PPIG: variants seen among roughly 807,000 people sequenced by gnomAD.
The protein encoded by PPIG is peptidylprolyl isomerase G.
In PPIG, 26 loss-of-function variants were observed where a neutral mutation model predicts 87.9. The observed-to-expected ratio is 0.30, with a 90% CI of 0.22 to 0.41. The LOEUF is 0.41. Ranked by LOEUF, PPIG falls within the 10% of genes least tolerant of loss-of-function variation. PPIG has a pLI of 1.00. For missense variants in PPIG, 722 were observed against 879.4 expected (o/e 0.82, Z 2.26); for synonymous variants, 308 against 276.5 (o/e 1.11, Z -1.13).
At chr2:169,622,718 T>C (rs973453082) in intron 9 of PPIG, among the ~76,000 whole-genome samples, 1 of 152,202 alleles carries the variant, frequency 6.6e-6, no homozygotes, top group Non-Finnish European at 1.5e-5. Context: ...AAACACACAC[T>C]TGGGCCCCTG....
intron 1 of PPIG, among the ~76,000 whole-genome samples, chr2:169,591,883 A>T (rs1684872765): frequency 6.7e-6 from 1 of 148,850 alleles, no homozygotes; most frequent in South Asian, 2.1e-4. Flanking sequence ...TACACTGAAA[A>T]TTTTGATTAT....
intron 4 of PPIG, among the ~76,000 whole-genome samples, chr2:169,604,584 A>G (rs1221858216): frequency 6.6e-6 from 1 of 152,104 alleles, no homozygotes; most frequent in East Asian, 1.9e-4. Flanking sequence ...TAGAAATATT[A>G]TGGCTGGGCA....
intron 8 of PPIG, 22 bp downstream of exon 8, chr2:169,614,515 T>C (rs1351959709): frequency 6.4e-7 from 1 of 1,557,608 alleles, no homozygotes; most frequent in Non-Finnish European, 8.7e-7. Flanking sequence ...TTTATTTATT[T>C]TACAACCTGT....
intron 6 of PPIG, among the ~76,000 whole-genome samples, chr2:169,607,863 T>A (rs1332232553): frequency 6.6e-6 from 1 of 152,146 alleles, no homozygotes; most frequent in Non-Finnish European, 1.5e-5. Context: ...ACTGTCTCAC[T>A]CTTTTTTTTA....
intron 9 of PPIG, 106 bp downstream of exon 9, chr2:169,614,830 G>T: frequency 9.9e-6 from 13 of 1,313,364 alleles, no homozygotes; most frequent in South Asian, 5.3e-5. Context: ...AGAAAAATGA[G>T]GTTTTTGTTT....
chr2:169,624,966 T>C (rs1046907969), intron 9 of PPIG, among the ~76,000 whole-genome samples: 4 of 152,164 alleles, frequency 2.6e-5, no homozygotes, highest in Non-Finnish European at 5.9e-5. Context: ...TTTGAAAATA[T>C]TATAACTGAG....
chr2:169,596,708 T>C (rs1397148228), intron 1 of PPIG, among the ~76,000 whole-genome samples: 2 of 152,020 alleles, frequency 1.3e-5, no homozygotes, highest in Non-Finnish European at 2.9e-5. Context: ...CCTGGTCCAT[T>C]TTTTTTTCTG....
chr2:169,592,939 G>A (rs141631464), intron 1 of PPIG, among the ~76,000 whole-genome samples: 262 of 152,116 alleles, frequency 1.7e-3, no homozygotes, highest in Non-Finnish European at 2.6e-3. Context: ...ATATTCAAGG[G>A]ATTTGTGTAG....
intron 12 of PPIG, among the ~76,000 whole-genome samples, chr2:169,634,805 C>T (rs1489615355): frequency 6.6e-6 from 1 of 152,182 alleles, no homozygotes; most frequent in Non-Finnish European, 1.5e-5. Flanking sequence ...AATTCAACTC[C>T]ATCATATTGT....
intron 1 of PPIG, among the ~76,000 whole-genome samples, chr2:169,603,190 CCAT>C (rs1211744061): frequency 2.6e-5 from 4 of 152,008 alleles, no homozygotes; most frequent in African/African-American, 9.7e-5. Context: ...TTTTTAGAGT[CCAT>C]CATTTTGGAT....
intron 1 of PPIG, among the ~76,000 whole-genome samples, chr2:169,603,407 A>T (rs1469197321): frequency 6.6e-6 from 1 of 152,192 alleles, no homozygotes; most frequent in African/African-American, 2.4e-5. Flanking sequence ...ATATCAGTAA[A>T]GGCTGTTGCT....
At chr2:169,593,322 G>A (rs1684919516) in intron 1 of PPIG, among the ~76,000 whole-genome samples, 2 of 152,044 alleles carry the variant, frequency 1.3e-5, no homozygotes, top group South Asian at 2.1e-4. Context: ...AGCCTCCCAA[G>A]TAACTGGAAT....
At position 169,591,286 on chromosome 2, in the gene PPIG, C is replaced by T. The variant is rs191418068; in HGVS notation, c.-70+6796C>T. 9.9e-4 allele frequency among the ~76,000 whole-genome samples: 151 copies of T among 152,088 alleles called. 1 individual carries two copies. The highest frequency in any genetic ancestry group is 3.5e-3 in the African/African-American group (146 of 41,506). ...ATTTTTTTACACATGAACTGGTTAC[C>T]TCTTACTGATTTTTTTATGAAATGT... On this transcript the variant is annotated intron_variant, in intron 1 of 13. Coordinates refer to ENST00000260970, the MANE Select transcript of PPIG (RefSeq NM_004792.3).
intron 7 of PPIG, among the ~76,000 whole-genome samples, chr2:169,609,937 G>A (rs963429811): frequency 1.3e-5 from 2 of 152,120 alleles, no homozygotes; most frequent in Non-Finnish European, 2.9e-5. Context: ...CATAGATTCT[G>A]TCTTTGTGAA....
chr2:169,606,966 T>C, intron 5 of PPIG, 138 bp from the exon 6 acceptor site: 1 of 648,054 alleles, frequency 1.5e-6, no homozygotes, highest in Non-Finnish European at 2.7e-6. Context: ...GACATTAATA[T>C]CTTTTATGAT....
At chr2:169,595,466 T>G (rs1356732431) in intron 1 of PPIG, among the ~76,000 whole-genome samples, 2 of 152,218 alleles carry the variant, frequency 1.3e-5, no homozygotes. Context: ...TTTTTGAGTA[T>G]CGTTAGTCAC....
chr2:169,636,013 A>T, intron 12 of PPIG, 79 bp from the exon 13 acceptor site: 19 of 1,003,480 alleles, frequency 1.9e-5, no homozygotes, highest in Non-Finnish European at 2.6e-5. Flanking sequence ...TCACCCCAGT[A>T]CTTCCCTCCC....
chr2:169,606,044 A>G lies in PPIG; in HGVS notation c.142A>G (p.Lys48Glu). 6.2e-7 allele frequency: 1 copy of G among 1,607,414 alleles called. No homozygotes were observed. The highest frequency in any genetic ancestry group is 1.1e-5 in the South Asian group (1 of 90,854). Residue 48 changes from lysine to glutamate, a missense_variant, in exon 5 of 14, where the codon AAG becomes GAG. Lys to Glu is a moderately conservative substitution (Grantham distance 56, BLOSUM62 1). Transcript: ENST00000260970. ...ENFRCLCTGE[K>E]GTGKSTQKPL... ...CTATTTTTTTATCTCTATAGGTGAA[A>G]AGGGGACCGGGAAATCAACTCAGAA...
At chr2:169,627,527 TTTG>T (rs981569364) in intron 9 of PPIG, among the ~76,000 whole-genome samples, 8 of 151,972 alleles carry the variant, frequency 5.3e-5, no homozygotes, top group East Asian at 3.9e-4. Flanking sequence ...GGTATGGTGT[TTTG>T]TTGTTGTTGT....
Sources: gnomAD v4.1 joint callset for allele counts (sites outside exome capture counted in the v4.1 genomes callset) on GRCh38, gnomAD v4.1.1 for gene constraint, MANE v1.5 for transcripts, NCBI Gene and HGNC (gene_info 2026-07-23, HGNC 2026-07-21) for gene names.